Variants in RIN2 observed in about 807,000 individuals in gnomAD.
RIN2 encodes RAB5 interacting protein 2.
Under a neutral mutation model 78.0 loss-of-function variants are expected in RIN2, and 36 were observed. That is an observed-to-expected ratio of 0.46 (90% CI 0.35 to 0.61). The LOEUF (loss-of-function observed/expected upper bound fraction) is 0.61. RIN2 is among the 20% of genes least tolerant of loss of function. The pLI is 0.00. For synonymous variants in RIN2, 466 were observed against 466.8 expected (o/e 1.00, Z 0.02); for missense variants, 1,087 against 1,159.7 (o/e 0.94, Z 0.91).
intron 4 of RIN2, among the ~76,000 whole-genome samples, chr20:19,946,464 C>T (rs1262240142): frequency 6.6e-6 from 1 of 152,116 alleles, no homozygotes; most frequent in Non-Finnish European, 1.5e-5. Context: ...CCTGGAATCC[C>T]AGCACCACTT....
chr20:19,853,694 T>G (rs1249649637), intron 2 of RIN2, among the ~76,000 whole-genome samples: 2 of 152,362 alleles, frequency 1.3e-5, no homozygotes, highest in East Asian at 3.9e-4. Flanking sequence ...TTGAGAAGTG[T>G]CTGTTCATAT....
At chr20:19,788,892 T>C (rs2034799082) in intron 1 of RIN2, among the ~76,000 whole-genome samples, 1 of 152,252 alleles carries the variant, frequency 6.6e-6, no homozygotes, top group African/African-American at 2.4e-5. Flanking sequence ...CAGAATTATT[T>C]TCTGTTTAAA....
At chr20:19,815,806 T>C (rs1365870936) in intron 2 of RIN2, among the ~76,000 whole-genome samples, 8 of 152,228 alleles carry the variant, frequency 5.3e-5, no homozygotes, top group Non-Finnish European at 1.2e-4. Context: ...TTGCAAGCCA[T>C]GGTCAGCATC....
chr20:19,881,274 C>T (rs1253806700), intron 2 of RIN2, among the ~76,000 whole-genome samples: 2 of 152,176 alleles, frequency 1.3e-5, no homozygotes, highest in African/African-American at 4.8e-5. Context: ...GGAGTATTTA[C>T]ACCACAAAAT....
intron 4 of RIN2, among the ~76,000 whole-genome samples, chr20:19,954,093 G>A (rs1486787338): frequency 6.6e-6 from 1 of 152,212 alleles, no homozygotes; most frequent in East Asian, 1.9e-4. Flanking sequence ...CAGTCCACAT[G>A]CCAACACTGG....
chr20:19,889,798 C>T (rs554980407), intron 3 of RIN2, 140 bp downstream of exon 3: 88 of 596,604 alleles, frequency 1.5e-4, no homozygotes, highest in African/African-American at 1.4e-3. Context: ...AGCCCAGCTG[C>T]TGATTGTTAC....
chr20:19,931,702 G>A (rs891874716), intron 3 of RIN2, among the ~76,000 whole-genome samples: 7 of 121,238 alleles, frequency 5.8e-5, no homozygotes, highest in Non-Finnish European at 9.8e-5. Context: ...AATGCTTCTC[G>A]ATTTGCCTTT....
chr20:19,935,748 C>G, intron 4 of RIN2: 1 of 356,712 alleles, frequency 2.8e-6, no homozygotes, highest in Non-Finnish European at 3.9e-6. Flanking sequence ...TGTGCACATA[C>G]TGCACACCGT....
At chr20:19,836,982 C>A (rs1253437120) in intron 2 of RIN2, among the ~76,000 whole-genome samples, 1 of 152,126 alleles carries the variant, frequency 6.6e-6, no homozygotes, top group Non-Finnish European at 1.5e-5. Flanking sequence ...CTGGCCACTG[C>A]GCCATTGTAT....
At chr20:19,774,098 G>A (rs1008148377) in intron 1 of RIN2, among the ~76,000 whole-genome samples, 3 of 152,030 alleles carry the variant, frequency 2.0e-5, no homozygotes, top group Admixed American at 2.0e-4. Flanking sequence ...ATAGGCAGGG[G>A]ATGGAGGCCT....
chr20:19,904,239 AAATAT>A (rs1568592147), intron 3 of RIN2, among the ~76,000 whole-genome samples: 2 of 116,242 alleles, frequency 1.7e-5, no homozygotes, highest in Non-Finnish European at 3.9e-5. Flanking sequence ...CTCAAAAAAA[AAATAT>A]ATATATATAT....
chr20:19,866,956 T>A (rs774047674), intron 2 of RIN2, among the ~76,000 whole-genome samples: 1 of 152,202 alleles, frequency 6.6e-6, no homozygotes, highest in Admixed American at 6.5e-5. Flanking sequence ...CACATGTTAG[T>A]GTTTTGCTGT....
intron 4 of RIN2, among the ~76,000 whole-genome samples, chr20:19,954,032 T>C (rs1184465581): frequency 6.6e-6 from 1 of 152,184 alleles, no homozygotes; most frequent in Non-Finnish European, 1.5e-5. Context: ...TCCTTAGGCC[T>C]GCAGAAAGTC....
chr20:19,934,541 C>T, intron 3 of RIN2: 1 of 985,042 alleles, frequency 1.0e-6, no homozygotes, highest in South Asian at 4.7e-5. Context: ...CCTTTCTCTT[C>T]CCTTTCCCCA....
At chr20:19,839,568 C>A (rs969524004) in intron 2 of RIN2, among the ~76,000 whole-genome samples, 3 of 152,228 alleles carry the variant, frequency 2.0e-5, no homozygotes, top group African/African-American at 7.2e-5. Context: ...AGAGTCTGTT[C>A]TGTCTTAAGA....
intron 2 of RIN2, among the ~76,000 whole-genome samples, chr20:19,840,211 A>G (rs1186032596): frequency 6.6e-6 from 1 of 152,210 alleles, no homozygotes; most frequent in Non-Finnish European, 1.5e-5. Context: ...TGGAGAGAAC[A>G]TTCCTGGTCA....
chr20:19,814,813 A>G (rs1459962649), intron 2 of RIN2, among the ~76,000 whole-genome samples: 1 of 150,342 alleles, frequency 6.7e-6, no homozygotes, highest in East Asian at 2.0e-4. Context: ...CTGGCTTTGA[A>G]CTCCTGGCCT....
Position 20,000,886 on chromosome 20 carries a change from C to A in RIN2, c.2638C>A (p.Pro880Thr). The change falls in exon 13 of 13, where the codon CCT (proline) becomes ACT (threonine). Residue 880 changes from proline to threonine, a missense_variant. Transcript: ENST00000255006. ...HFVYKRIKND[P>T]YGIIFQNGEE... ...TGTCTACAAACGCATCAAGAACGAT[C>A]CTTATGGCATCATTTTCCAGAACGG... The A allele has an allele frequency of 1.2e-6, 2 of 1,613,732 alleles. No homozygotes were observed. Among genetic ancestry groups the A allele is most frequent in the Non-Finnish European group, 1.7e-6 (2 of 1,179,668 alleles).
intron 9 of RIN2, among the ~76,000 whole-genome samples, chr20:19,988,874 A>G (rs1461284668): frequency 1.4e-5 from 2 of 147,676 alleles, no homozygotes; most frequent in Middle Eastern, 3.2e-3. Flanking sequence ...ACTTCGCCAC[A>G]TCTGCCTCAT....
Sources: allele counts gnomAD v4.1 joint callset (sites outside exome capture counted in the v4.1 genomes callset), GRCh38; gene constraint gnomAD v4.1.1; transcripts MANE v1.5; gene names NCBI Gene and HGNC (gene_info 2026-07-23, HGNC 2026-07-21).